The following PTPN14 variants were observed in gnomAD, a reference collection of about 807,000 sequenced individuals.
PTPN14 encodes the protein tyrosine-protein phosphatase non-receptor type 14.
PTPN14 carries 53 observed loss-of-function variants against 126.8 expected under a neutral mutation model. That is an observed-to-expected ratio of 0.42 (90% CI 0.34 to 0.53). The LOEUF (loss-of-function observed/expected upper bound fraction) is 0.53, where lower values mean the gene tolerates loss of function less well. PTPN14 is among the 20% of genes least tolerant of loss of function. PTPN14 has a pLI of 0.08. For missense variants in PTPN14, 1,257 were observed against 1,552.9 expected, an observed-to-expected ratio of 0.81 and a Z score of 3.20; for synonymous variants, 630 against 599.3, an observed-to-expected ratio of 1.05 and a Z score of -0.75.
intron 2 of PTPN14, among the ~76,000 whole-genome samples, chr1:214,461,372 T>A (rs1406427375): frequency 6.6e-6 from 1 of 152,056 alleles, no homozygotes; most frequent in Non-Finnish European, 1.5e-5. Flanking sequence ...GTGTCTCACA[T>A]CTATAATCCC....
At chr1:214,411,627 G>T in intron 5 of PTPN14, 57 bp downstream of exon 5, 1 of 1,273,898 alleles carries the variant, frequency 7.8e-7, no homozygotes, top group Non-Finnish European at 1.1e-6. Flanking sequence ...TCAAAGGAAA[G>T]AACTAAATGT....
chr1:214,434,804 C>T (rs569903119), intron 3 of PTPN14, among the ~76,000 whole-genome samples: 49 of 152,218 alleles, frequency 3.2e-4, no homozygotes, highest in African/African-American at 1.1e-3. Flanking sequence ...GAGGGACCCA[C>T]GGCGAAACAT....
chr1:214,402,836 G>A (rs1659064824), intron 6 of PTPN14, 47 bp downstream of exon 6: 1 of 1,594,212 alleles, frequency 6.3e-7, no homozygotes, highest in Non-Finnish European at 8.6e-7. Flanking sequence ...CCCATGGGCT[G>A]TAAACATCTG....
chr1:214,383,653 A>G lies in PTPN14; in HGVS notation c.2202T>C (p.Ser734=). The G allele has an allele frequency of 1.2e-6, 2 of 1,613,470 alleles. No individual in the cohort carries two copies. Among genetic ancestry groups the G allele is most frequent in the Non-Finnish European group, 1.7e-6 (2 of 1,180,016 alleles). The change falls in exon 13 of 19, where the codon AGT becomes AGC. Residue 734 remains serine (S), a synonymous_variant. Transcript: ENST00000366956. This position sits in a 1 kb window ranked among gnomAD's most constrained non-coding sequence, Gnocchi z 4.4. ...IPMLREKMEY[S]AQLQAALARI... is the part of the protein sequence containing the mutation. ...GGGCCAGGGCCGCCTGCAGCTGGGCACTGTACTCCATCTTCTCCCGGAGCA... is the reference window on the plus strand; with the variant it reads ...GGGCCAGGGCCGCCTGCAGCTGGGCGCTGTACTCCATCTTCTCCCGGAGCA...
intron 18 of PTPN14, among the ~76,000 whole-genome samples, chr1:214,358,999 C>T (rs1657889947): frequency 6.6e-6 from 1 of 152,060 alleles, no homozygotes; most frequent in Admixed American, 6.5e-5. Context: ...CCACTTAGGC[C>T]TCCCAAAGTG....
rs556551719 is a variant in PTPN14, at chr1:214,453,628, C to T, written c.175-1654G>A. On this transcript the variant is annotated intron_variant, in intron 2 of 18. Coordinates refer to ENST00000366956, the MANE Select transcript of PTPN14 (RefSeq NM_005401.5). ...GCTGCACGACTACTACTCCTGTTAC[C>T]ACCACCACCACCACCATCGCCACCA... Among the ~76,000 whole-genome samples, 8 of 152,090 alleles carry T rather than the reference C, an allele frequency of 5.3e-5. No individual in the cohort carries two copies. The East Asian group carries it at 1.5e-3, about 29-fold the overall frequency.
chr1:214,525,962 CT>C (rs34019620), intron 1 of PTPN14, among the ~76,000 whole-genome samples: 73,181 of 130,034 alleles, frequency 0.56, 21,560 homozygotes, highest in Non-Finnish European at 0.67. Flanking sequence ...CTAAAGTCAA[CT>C]TTTTTTTTTT....
intron 1 of PTPN14, chr1:214,483,431 G>A: frequency 7.7e-7 from 1 of 1,298,984 alleles, no homozygotes; most frequent in Non-Finnish European, 1.1e-6. Context: ...GCCAGGGCGG[G>A]AGCGGGCGCA....
In PTPN14 at chr1:214,384,772, C is replaced by G; in HGVS notation, c.1083G>C (p.Gly361=). The G allele has an allele frequency of 6.2e-7, 1 of 1,612,280 alleles. No individual in the cohort carries two copies. The highest frequency in any genetic ancestry group is 8.5e-7 in the Non-Finnish European group (1 of 1,179,112). ...AGTTGCAATACAAGGCTTCTTCATTCCCATGAAAAATGCTGTCTACAAGAA... is the reference window on the plus strand; with the variant it reads ...AGTTGCAATACAAGGCTTCTTCATTGCCATGAAAAATGCTGTCTACAAGAA... ...THTSQDSIFH[G]NEEALYCNSH... is the part of the protein sequence containing the mutation. The change falls in exon 13 of 19, where the codon GGG becomes GGC. Residue 361 remains glycine, a synonymous_variant. Coordinates refer to ENST00000366956, the MANE Select transcript of PTPN14 (RefSeq NM_005401.5). The surrounding 1 kb of genome is among the most constrained non-coding windows in gnomAD (Gnocchi z 5.3).
intron 2 of PTPN14, among the ~76,000 whole-genome samples, chr1:214,464,261 T>G: frequency 6.7e-6 from 1 of 148,188 alleles, no homozygotes. Context: ...TATGTGGGCG[T>G]TTTTTCTCCT....
intron 18 of PTPN14, among the ~76,000 whole-genome samples, chr1:214,360,399 A>AGGCATGT (rs1657929315): frequency 6.6e-6 from 1 of 152,346 alleles, no homozygotes; most frequent in East Asian, 1.9e-4. Flanking sequence ...AAGAAAAAAA[A>AGGCATGT]GGCATGTGAA....
chr1:214,460,514 T>C lies in PTPN14; in HGVS notation c.174+4116A>G, dbSNP rs538172989. 1.3e-4 allele frequency among the ~76,000 whole-genome samples: 14 copies of C among 111,004 alleles called. No individual in the cohort carries two copies. The South Asian group carries it at 3.6e-3, about 29-fold the overall frequency. 72.8% of individuals were successfully genotyped at this position (111,004 alleles called of 152,430 possible). On this transcript the variant is annotated intron_variant, in intron 2 of 18. Coordinates refer to ENST00000366956, the MANE Select transcript of PTPN14 (RefSeq NM_005401.5). ...ATGCAAGCCAAACTCTGCCTTTCCC[T>C]GAAAATTCCAACACACACACACACA...
chr1:214,455,945 T>C (rs1660372047), intron 2 of PTPN14, among the ~76,000 whole-genome samples: 1 of 152,206 alleles, frequency 6.6e-6, no homozygotes, highest in Non-Finnish European at 1.5e-5. Context: ...TCAATCTTGC[T>C]GTGAAACTAA....
chr1:214,513,517 C>T lies in PTPN14; in HGVS notation c.-155+37666G>A, dbSNP rs1456152349. 2.4e-4 allele frequency among the ~76,000 whole-genome samples: 36 copies of T among 152,108 alleles called. 1 individual carries two copies. Among genetic ancestry groups the T allele is most frequent in the Admixed American group, 2.4e-3 (36 of 15,278 alleles). On this transcript the variant is annotated intron_variant, in intron 1 of 18. Coordinates refer to ENST00000366956, the MANE Select transcript of PTPN14 (RefSeq NM_005401.5). ...CAATTATCTAGGACTTAACTGACTA[C>T]CCTCATTGACAGGGCAAGCATTCTC...
chr1:214,363,274 T>G lies in PTPN14; in HGVS notation c.3435+1238A>C, dbSNP rs79215460. Among the ~76,000 whole-genome samples the G allele has an allele frequency of 8.5e-4, 129 of 152,360 alleles. 1 individual carries two copies. Among genetic ancestry groups the G allele is most frequent in the African/African-American group, 2.9e-3 (122 of 41,576 alleles). On this transcript the variant is annotated intron_variant, in intron 18 of 18. Transcript: ENST00000366956. ...CAAACATTCATTCCCATGGACAGAC[T>G]GGAAGATTCTCAAAATTATCTTTTC...
chr1:214,427,276 CAA>C (rs5741915), intron 3 of PTPN14, among the ~76,000 whole-genome samples: 747 of 65,142 alleles, frequency 0.011, 4 homozygotes, highest in African/African-American at 0.034. Flanking sequence ...GTCTCCATCT[CAA>C]AAAAAAAAAA....
At chr1:214,390,840 T>C (rs1006421776) in intron 11 of PTPN14, 148 bp downstream of exon 11, 13 of 552,740 alleles carry the variant, frequency 2.4e-5, no homozygotes, top group Non-Finnish European at 3.8e-5. Flanking sequence ...AAAACGGGTG[T>C]CCATCGCATC....
At chr1:214,393,445 G>A (rs948856295) in intron 10 of PTPN14, among the ~76,000 whole-genome samples, 2 of 152,170 alleles carry the variant, frequency 1.3e-5, no homozygotes, top group Non-Finnish European at 2.9e-5. Flanking sequence ...GCTAATGTGG[G>A]CCAACCCATC....
Position 214,536,613 on chromosome 1 carries a change from T to G in PTPN14, c.-155+14570A>C, listed in dbSNP as rs557666962. On this transcript the variant is annotated intron_variant, in intron 1 of 18. Transcript: ENST00000366956. ...CAGCTTGCGTAACCTAGTGATACCC[T>G]GTCTCTACAAAAAAATAAAAAATTA... Among the ~76,000 whole-genome samples, 81 of 151,658 alleles carry G rather than the reference T, an allele frequency of 5.3e-4. No individual in the cohort carries two copies. The South Asian group carries it at 0.017, about 31-fold the overall frequency.
Sources: allele counts gnomAD v4.1 joint callset (sites outside exome capture counted in the v4.1 genomes callset), GRCh38; gene constraint gnomAD v4.1.1; non-coding constraint Gnocchi (gnomAD v3.1); transcripts MANE v1.5; gene names NCBI Gene and HGNC (gene_info 2026-07-23, HGNC 2026-07-21).